FBXL7: variants seen among roughly 807,000 people sequenced by gnomAD.
The protein encoded by FBXL7 is F-box and leucine rich repeat protein 7, also known as F-box/LRR-repeat protein 7.
Under a neutral mutation model 38.3 loss-of-function variants are expected in FBXL7, and 12 were observed. The observed-to-expected ratio is 0.31, with a 90% CI of 0.20 to 0.51. FBXL7 has a LOEUF of 0.51. Ranked by LOEUF, FBXL7 falls within the 20% of genes least tolerant of loss-of-function variation. The pLI is 0.98. For missense variants in FBXL7, 567 were observed against 676.4 expected, an observed-to-expected ratio of 0.84 and a Z score of 1.79; for synonymous variants, 297 against 300.9, an observed-to-expected ratio of 0.99 and a Z score of 0.13.
intron 1 of FBXL7, among the ~76,000 whole-genome samples, chr5:15,548,204 C>T (rs552577625): frequency 2.3e-3 from 357 of 152,166 alleles, no homozygotes; most frequent in Non-Finnish European, 4.1e-3. Flanking sequence ...AAAAGCCCTC[C>T]GTGGAGTTAA....
At chr5:15,725,579 A>G (rs1744323852) in intron 2 of FBXL7, among the ~76,000 whole-genome samples, 2 of 152,198 alleles carry the variant, frequency 1.3e-5, no homozygotes, top group South Asian at 4.1e-4. Context: ...GTCCTGCAAA[A>G]TGTCCCATGT....
chr5:15,528,262 G>T (rs1021122310), intron 1 of FBXL7, among the ~76,000 whole-genome samples: 1 of 152,120 alleles, frequency 6.6e-6, no homozygotes, highest in Non-Finnish European at 1.5e-5. Context: ...GCTCATTTAC[G>T]TAGGATATAA....
chr5:15,789,751 C>G (rs528861172), intron 2 of FBXL7, among the ~76,000 whole-genome samples: 17 of 152,342 alleles, frequency 1.1e-4, no homozygotes, highest in Admixed American at 3.3e-4. Context: ...GACTCTGTTC[C>G]TATGGCTGTG....
intron 2 of FBXL7, among the ~76,000 whole-genome samples, chr5:15,882,872 C>T (rs1399947927): frequency 6.6e-6 from 1 of 151,638 alleles, no homozygotes; most frequent in African/African-American, 2.4e-5. Flanking sequence ...GCTCGAATGT[C>T]AGAGCTCTTC....
intron 2 of FBXL7, among the ~76,000 whole-genome samples, chr5:15,702,571 A>AT (rs1458429778): frequency 2.0e-5 from 3 of 152,070 alleles, no homozygotes; most frequent in African/African-American, 7.2e-5. Flanking sequence ...TGAACAATAT[A>AT]TTTTTTCAAT....
intron 2 of FBXL7, among the ~76,000 whole-genome samples, chr5:15,620,858 T>G (rs1740615695): frequency 6.6e-6 from 1 of 152,182 alleles, no homozygotes; most frequent in Admixed American, 6.5e-5. Context: ...TTTGGTTTCT[T>G]TTCTTGGCTT....
At chr5:15,851,093 G>C (rs1225912939) in intron 2 of FBXL7, among the ~76,000 whole-genome samples, 1 of 152,124 alleles carries the variant, frequency 6.6e-6, no homozygotes, top group Admixed American at 6.5e-5. Flanking sequence ...ATTGCTTGTG[G>C]AGCTATTATA....
intron 2 of FBXL7, among the ~76,000 whole-genome samples, chr5:15,620,280 T>G (rs1740586965): frequency 6.6e-6 from 1 of 150,826 alleles, no homozygotes; most frequent in Admixed American, 6.6e-5. Flanking sequence ...TTGCCCAATC[T>G]GGAGTGCAGT....
chr5:15,855,120 T>C (rs968041665), intron 2 of FBXL7, among the ~76,000 whole-genome samples: 8 of 152,150 alleles, frequency 5.3e-5, no homozygotes, highest in African/African-American at 1.9e-4. Flanking sequence ...CTAATTTTCA[T>C]AGAAAATTAA....
At chr5:15,664,469 CTTTTTTTTT>C (rs34999340) in intron 2 of FBXL7, among the ~76,000 whole-genome samples, 1 of 105,534 alleles carries the variant, frequency 9.5e-6, no homozygotes, top group East Asian at 3.1e-4. Flanking sequence ...TTTTCTTTTC[CTTTTTTTTT>C]TTTTTTTTTT....
intron 2 of FBXL7, among the ~76,000 whole-genome samples, chr5:15,756,167 C>G (rs1736291486): frequency 6.6e-6 from 1 of 152,112 alleles, no homozygotes; most frequent in Non-Finnish European, 1.5e-5. Flanking sequence ...TTTCCCAAGA[C>G]CCTGCTCAGA....
At chr5:15,752,413 T>C (rs186892508) in intron 2 of FBXL7, among the ~76,000 whole-genome samples, 10 of 152,340 alleles carry the variant, frequency 6.6e-5, no homozygotes, top group Admixed American at 5.9e-4. Flanking sequence ...GCTGGGGGCC[T>C]GTGCTTTGTC....
intron 2 of FBXL7, among the ~76,000 whole-genome samples, chr5:15,913,833 T>TGAGCTCTCTGG (rs1217634105): frequency 3.1e-4 from 47 of 152,304 alleles, no homozygotes; most frequent in Non-Finnish European, 6.5e-4. Flanking sequence ...AAACTATCTC[T>TGAGCTCTCTGG]GAGCTCTCTG....
intron 2 of FBXL7, among the ~76,000 whole-genome samples, chr5:15,796,654 C>A (rs1452234565): frequency 6.6e-6 from 1 of 152,186 alleles, no homozygotes; most frequent in Non-Finnish European, 1.5e-5. Context: ...ACATCCATTT[C>A]TCATATGCTT....
chr5:15,832,029 G>A (rs1455018724), intron 2 of FBXL7, among the ~76,000 whole-genome samples: 1 of 152,130 alleles, frequency 6.6e-6, no homozygotes, highest in East Asian at 1.9e-4. Context: ...TCCAGCATTT[G>A]TGCTATAAAC....
intron 2 of FBXL7, among the ~76,000 whole-genome samples, chr5:15,619,766 T>TA (rs1187952474): frequency 6.6e-6 from 1 of 152,234 alleles, no homozygotes; most frequent in African/African-American, 2.4e-5. Context: ...ATACCTTTAA[T>TA]AGCCAGGTTG....
At chr5:15,819,992 G>C (rs1316193523) in intron 2 of FBXL7, among the ~76,000 whole-genome samples, 1 of 152,270 alleles carries the variant, frequency 6.6e-6, no homozygotes, top group African/African-American at 2.4e-5. Flanking sequence ...AGGCCAGGCT[G>C]CCTCCATATT....
At chr5:15,716,598 C>T (rs866294834) in intron 2 of FBXL7, among the ~76,000 whole-genome samples, 1 of 152,238 alleles carries the variant, frequency 6.6e-6, no homozygotes, top group Non-Finnish European at 1.5e-5. Context: ...TAACATCTTT[C>T]GGGTCTGTAT....
chr5:15,583,982 C>A (rs998358640), intron 1 of FBXL7, among the ~76,000 whole-genome samples: 1 of 152,210 alleles, frequency 6.6e-6, no homozygotes, highest in Non-Finnish European at 1.5e-5. Context: ...CACTTCTTGG[C>A]TTCTCTGCAC....
Sources: gnomAD v4.1 joint callset for allele counts (sites outside exome capture counted in the v4.1 genomes callset) on GRCh38, gnomAD v4.1.1 for gene constraint, MANE v1.5 for transcripts, NCBI Gene and HGNC (gene_info 2026-07-23, HGNC 2026-07-21) for gene names.